LRRC27: variants seen among roughly 807,000 people sequenced by gnomAD.
LRRC27 encodes leucine rich repeat containing 27.
A neutral mutation model predicts 55.0 loss-of-function variants in LRRC27; 57 were observed. The ratio of observed to expected loss-of-function variants is 1.04; its 90% confidence interval spans 0.84 to 1.29. LRRC27 has a LOEUF of 1.29. Ranked by LOEUF, LRRC27 falls within the 50% of genes most tolerant of loss-of-function variation. LRRC27 has a pLI of 0.00. For synonymous variants in LRRC27, 278 were observed against 251.9 expected, an observed-to-expected ratio of 1.10 and a Z score of -0.98; for missense variants, 721 against 651.5, an observed-to-expected ratio of 1.11 and a Z score of -1.16.
intron 8 of LRRC27, among the ~76,000 whole-genome samples, chr10:132,356,759 G>A (rs1013663895): frequency 7.2e-5 from 11 of 152,272 alleles, no homozygotes; most frequent in African/African-American, 2.2e-4. Flanking sequence ...GGCATGGGCC[G>A]TGGGCACAGG....
At chr10:132,331,143 G>GT (rs2066699043), upstream of LRRC27, among the ~76,000 whole-genome samples, 1 of 143,942 alleles carries the variant, frequency 6.9e-6, no homozygotes, top group Non-Finnish European at 1.5e-5. Context: ...GGAGGTCGCA[G>GT]TGGGCCGAGA....
Position 132,372,757 on chromosome 10 carries a change from G to T in LRRC27, c.1417-2309G>T, listed in dbSNP as rs117916886. ...TTTGGCCTAAAGAGACCTGCAGAAG[G>T]TCAGGTGCACAACCGACCAGGAGGG... On this transcript the variant is annotated intron_variant, in intron 10 of 10. Transcript: ENST00000368614. The surrounding 1 kb of genome is among the most constrained non-coding windows in gnomAD (Gnocchi z 4.0). Among the ~76,000 whole-genome samples the T allele has an allele frequency of 8.4e-4, 128 of 152,298 alleles. 2 individuals carry two copies. In the East Asian group the frequency reaches 0.021, roughly 25 times the overall value.
chr10:132,354,470 G>A (rs1310499096), intron 7 of LRRC27, among the ~76,000 whole-genome samples: 1 of 152,178 alleles, frequency 6.6e-6, no homozygotes, highest in Non-Finnish European at 1.5e-5. Context: ...TGCTAAGTGG[G>A]GACACGGGGG....
chr10:132,330,622 C>T (rs2066649416), upstream of LRRC27: 1 of 680,504 alleles, frequency 1.5e-6, no homozygotes, highest in African/African-American at 1.8e-5. Flanking sequence ...ATCCTCTTGC[C>T]TCACCCTCCC....
Position 132,344,675 on chromosome 10 carries a change from A to C in LRRC27, c.553+25A>C, listed in dbSNP as rs780029442. On this transcript the variant is annotated intron_variant, in intron 5 of 10. Transcript: ENST00000368614. ...GGTTTGTAGGAGGTGATTTATGACA[A>C]ATCACATTAACGTTGAAGTTACAGC... The C allele has an allele frequency of 1.1e-5, 17 of 1,608,058 alleles. No homozygotes were observed. The East Asian group carries it at 3.8e-4, about 36-fold the overall frequency.
upstream of LRRC27, chr10:132,331,321 G>C (rs2066720189): frequency 1.9e-5 from 20 of 1,040,696 alleles, no homozygotes; most frequent in South Asian, 3.3e-4. Flanking sequence ...TTGGATCCTG[G>C]AATGAAGGTG....
chr10:132,331,087 G>A (rs1051054244), upstream of LRRC27, among the ~76,000 whole-genome samples: 1 of 150,150 alleles, frequency 6.7e-6, no homozygotes, highest in Non-Finnish European at 1.5e-5. Flanking sequence ...TGTAGTCCCA[G>A]CTACTGGGGA....
chr10:132,336,706 A>G (rs1564820328), intron 2 of LRRC27: 2 of 721,294 alleles, frequency 2.8e-6, no homozygotes, highest in Non-Finnish European at 5.1e-6. Flanking sequence ...TCAAGGTCAC[A>G]CAGCCAATAG....
At chr10:132,341,875 G>A (rs1332419717) in intron 3 of LRRC27, among the ~76,000 whole-genome samples, 2 of 152,254 alleles carry the variant, frequency 1.3e-5, no homozygotes, top group African/African-American at 4.8e-5. Flanking sequence ...CCAGGAGACT[G>A]TTGGCAATGT....
At position 132,348,826 on chromosome 10, in the gene LRRC27, C is replaced by A; in HGVS notation, c.926+470C>A. The A allele has an allele frequency of 1.6e-6, 1 of 629,836 alleles. No individual in the cohort carries two copies. The highest frequency in any genetic ancestry group is 1.9e-5 in the South Asian group (1 of 52,828). 39.0% of individuals were successfully genotyped at this position (629,836 alleles called of 1,614,324 possible). A position where few individuals can be genotyped will look rare whatever the true frequency, so the allele number is the denominator to read the frequency against. ...AAAAGAGAGGAGTTGGGGGAAAGGTCAGTTATGCAGAAAATAAATGGCAGC... is the reference window on the plus strand; with the variant it reads ...AAAAGAGAGGAGTTGGGGGAAAGGTAAGTTATGCAGAAAATAAATGGCAGC... On this transcript the variant is annotated intron_variant, in intron 6 of 10. Transcript: ENST00000368614. The surrounding 1 kb of genome is among the most constrained non-coding windows in gnomAD (Gnocchi z 4.2).
At chr10:132,370,259 C>T (rs947492674) in intron 10 of LRRC27, among the ~76,000 whole-genome samples, 2 of 152,222 alleles carry the variant, frequency 1.3e-5, no homozygotes, top group African/African-American at 4.8e-5. Context: ...GAAGGGTTCA[C>T]GTCACCAGCA....
At chr10:132,364,714 T>G (rs551358323) in intron 9 of LRRC27, among the ~76,000 whole-genome samples, 244 of 3,682 alleles carry the variant, frequency 0.066, 21 homozygotes, top group African/African-American at 0.12. Flanking sequence ...CCCACACTCA[T>G]GCAGTCCGCG....
At position 132,375,439 on chromosome 10, in the gene LRRC27, A is replaced by G; in HGVS notation, c.*197A>G. ...GGCTGTGGAAGATTTCAGCCGTATT[A>G]AAAGAAAGGACACTGTGAGCACGTG... is the stretch of plus-strand genomic sequence containing the variant. On this transcript the variant is annotated 3_prime_UTR_variant, in exon 11 of 11. Coordinates refer to ENST00000368614, the MANE Select transcript of LRRC27 (RefSeq NM_030626.3). 3.8e-6 allele frequency: 2 copies of G among 532,870 alleles called. No homozygotes were observed. The highest frequency in any genetic ancestry group is 6.6e-6 in the Non-Finnish European group (2 of 304,368). The allele number at this position is 532,870 out of a possible 1,614,324, so 33.0% of individuals were successfully genotyped here.
intron 10 of LRRC27, among the ~76,000 whole-genome samples, chr10:132,370,788 T>C (rs2069194079): frequency 6.6e-6 from 1 of 152,238 alleles, no homozygotes; most frequent in South Asian, 2.1e-4. Flanking sequence ...CCTCCCTTTT[T>C]CTGCTGCCTA....
At chr10:132,368,243 T>C (rs1483410646) in intron 10 of LRRC27, among the ~76,000 whole-genome samples, 1 of 152,248 alleles carries the variant, frequency 6.6e-6, no homozygotes, top group African/African-American at 2.4e-5. Context: ...GACTCAATAT[T>C]GTTGGTAGTC....
intron 8 of LRRC27, among the ~76,000 whole-genome samples, chr10:132,358,101 C>T (rs1370795743): frequency 3.3e-5 from 5 of 152,212 alleles, no homozygotes; most frequent in Non-Finnish European, 7.3e-5. Context: ...ATGTTCATAT[C>T]TAATATACAA....
rs1048459033 is a variant in LRRC27, at chr10:132,342,213, G to A, written c.342G>A (p.Gln114=). 2.6e-6 allele frequency: 4 copies of A among 1,542,856 alleles called. No homozygotes were observed. The highest frequency in any genetic ancestry group is 3.5e-6 in the Non-Finnish European group (4 of 1,141,480). ...TTTTTTGTTTTGTTTTGCTTTAAAG[G>A]CATTTGAAAACTTTGCTTTTAGAAA... ...KALPSGIGAH[Q]HLKTLLLERN... The change falls in exon 4 of 11, where the codon CAG becomes CAA. Residue 114 remains glutamine (Q), a splice_region_variant and synonymous_variant. Coordinates refer to ENST00000368614, the MANE Select transcript of LRRC27 (RefSeq NM_030626.3).
intron 8 of LRRC27, among the ~76,000 whole-genome samples, chr10:132,360,682 C>A (rs944704390): frequency 5.9e-5 from 9 of 152,206 alleles, no homozygotes; most frequent in African/African-American, 1.9e-4. Context: ...CCTGGAAATA[C>A]ATTTGGAGGA....
At chr10:132,363,158 G>A (rs1229642312) in intron 9 of LRRC27, among the ~76,000 whole-genome samples, 1 of 116,182 alleles carries the variant, frequency 8.6e-6, no homozygotes, top group East Asian at 2.2e-4. Context: ...AGCTCGGGGG[G>A]CCAGGGTTCA....
Sources: gnomAD v4.1 joint callset for allele counts (sites outside exome capture counted in the v4.1 genomes callset) on GRCh38, gnomAD v4.1.1 for gene constraint, Gnocchi (gnomAD v3.1) non-coding constraint, MANE v1.5 for transcripts, NCBI Gene and HGNC (gene_info 2026-07-23, HGNC 2026-07-21) for gene names.